Variants in HOMER2 observed in about 807,000 individuals in gnomAD.
HOMER2 encodes the protein homer protein homolog 2.
A neutral mutation model predicts 47.0 loss-of-function variants in HOMER2; 27 were observed. That is an observed-to-expected ratio of 0.57 (90% CI 0.42 to 0.79). The LOEUF (loss-of-function observed/expected upper bound fraction) is 0.79. HOMER2 is among the 30% of genes least tolerant of loss of function. HOMER2 has a pLI of 0.00. For missense variants in HOMER2, 443 were observed against 435.0 expected, an observed-to-expected ratio of 1.02 and a Z score of -0.16; for synonymous variants, 161 against 163.8, an observed-to-expected ratio of 0.98 and a Z score of 0.13.
Position 82,907,336 on chromosome 15 carries a change from G to A in HOMER2, c.6-14495C>T, listed in dbSNP as rs540304174. 9.7e-4 allele frequency among the ~76,000 whole-genome samples: 147 copies of A among 151,558 alleles called. 5 individuals are homozygous for A. In the South Asian group the frequency reaches 0.027, roughly 27 times the overall value. ...TGTGCCACTGCACTCCAGCCTGGGCGACAGAGCCAGACCCTATCAGAAAGA... is the reference window on the plus strand; with the variant it reads ...TGTGCCACTGCACTCCAGCCTGGGCAACAGAGCCAGACCCTATCAGAAAGA... On this transcript the variant is annotated intron_variant, in intron 1 of 8. Coordinates refer to ENST00000450735, the MANE Select transcript of HOMER2 (RefSeq NM_004839.4).
chr15:82,894,052 T>C (rs964914614), intron 1 of HOMER2, among the ~76,000 whole-genome samples: 2 of 102,788 alleles, frequency 1.9e-5, no homozygotes, highest in African/African-American at 8.9e-5. Context: ...CTTATAAACC[T>C]TTTGAGTTTT....
intron 1 of HOMER2, among the ~76,000 whole-genome samples, chr15:82,945,830 T>C (rs1362547539): frequency 6.6e-6 from 1 of 151,036 alleles, no homozygotes; most frequent in African/African-American, 2.4e-5. Context: ...ATTAGCCGGG[T>C]GTGGTGGCAG....
chr15:82,945,834 G>C (rs2054366068), intron 1 of HOMER2, among the ~76,000 whole-genome samples: 1 of 152,060 alleles, frequency 6.6e-6, no homozygotes, highest in African/African-American at 2.4e-5. Flanking sequence ...GCCGGGTGTG[G>C]TGGCAGGCGC....
intron 4 of HOMER2, among the ~76,000 whole-genome samples, chr15:82,860,004 T>A (rs1447899009): frequency 6.6e-6 from 1 of 151,942 alleles, no homozygotes; most frequent in Non-Finnish European, 1.5e-5. Context: ...TCCCAGCACT[T>A]TGGGAGGCTG....
At chr15:82,850,766 G>A (rs3784378) in intron 8 of HOMER2, among the ~76,000 whole-genome samples, 2 of 152,332 alleles carry the variant, frequency 1.3e-5, no homozygotes, top group East Asian at 3.9e-4. Context: ...AGGATAGGGA[G>A]GAAGGCCTGC....
At chr15:82,968,659 A>C (rs763614280) in intron 1 of HOMER2, among the ~76,000 whole-genome samples, 3 of 152,228 alleles carry the variant, frequency 2.0e-5, no homozygotes, top group Non-Finnish European at 2.9e-5. Context: ...CAGAACAAAA[A>C]GAGCTTTCCT....
chr15:82,910,295 G>GT (rs1304009460), intron 1 of HOMER2, among the ~76,000 whole-genome samples: 1 of 152,160 alleles, frequency 6.6e-6, no homozygotes, highest in African/African-American at 2.4e-5. Flanking sequence ...TCGTGGGTTG[G>GT]TAAGAATTTA....
At chr15:82,959,499 G>A (rs1484524344) in intron 1 of HOMER2, among the ~76,000 whole-genome samples, 2 of 152,228 alleles carry the variant, frequency 1.3e-5, no homozygotes, top group Non-Finnish European at 2.9e-5. Flanking sequence ...GGGCCGGTCT[G>A]GAGAGTGGGC....
At chr15:82,906,439 T>C (rs971126306) in intron 1 of HOMER2, among the ~76,000 whole-genome samples, 1 of 152,040 alleles carries the variant, frequency 6.6e-6, no homozygotes, top group Non-Finnish European at 1.5e-5. Flanking sequence ...TCCACTTTTT[T>C]TTTTTTTTTT....
chr15:82,863,298 A>C (rs950318623), intron 4 of HOMER2, among the ~76,000 whole-genome samples: 2 of 152,112 alleles, frequency 1.3e-5, no homozygotes, highest in South Asian at 4.2e-4. Context: ...AAGCAAGCCA[A>C]CCCTCTCAGG....
chr15:82,907,617 C>T (rs946733988), intron 1 of HOMER2, among the ~76,000 whole-genome samples: 3 of 152,128 alleles, frequency 2.0e-5, no homozygotes, highest in Non-Finnish European at 2.9e-5. Flanking sequence ...AACATCACGA[C>T]ATCAACCAAT....
intron 8 of HOMER2, 55 bp downstream of exon 8, chr15:82,851,096 T>G: frequency 8.9e-5 from 99 of 1,107,284 alleles, no homozygotes; most frequent in Non-Finnish European, 1.2e-4. Context: ...ATGAGTACCA[T>G]GACATTTGTG....
At chr15:82,926,060 A>C (rs2053845476) in intron 1 of HOMER2, 1 of 152,176 alleles carries the variant, frequency 6.6e-6, no homozygotes, top group Non-Finnish European at 1.5e-5. Context: ...ATAACCTTTC[A>C]TTACCAGTAA....
At chr15:82,880,916 T>A (rs890712518) in intron 2 of HOMER2, among the ~76,000 whole-genome samples, 1 of 152,150 alleles carries the variant, frequency 6.6e-6, no homozygotes, top group Admixed American at 6.5e-5. Flanking sequence ...AATTCAGCCC[T>A]GGGAGCCAAG....
chr15:82,947,850 G>A (rs1596378536), intron 1 of HOMER2, among the ~76,000 whole-genome samples: 1 of 152,206 alleles, frequency 6.6e-6, no homozygotes, highest in African/African-American at 2.4e-5. Context: ...GCTAGGTGTT[G>A]GAATACACTG....
chr15:82,841,642 G>C (rs1438377303), exon 2 of HOMER2: 2 of 152,054 alleles, frequency 1.3e-5, no homozygotes, highest in African/African-American at 4.8e-5. Context: ...AGTGAAATAA[G>C]ATTACAAATA....
chr15:82,929,653 CAAAAA>C (rs373315567), intron 1 of HOMER2, among the ~76,000 whole-genome samples: 1 of 91,004 alleles, frequency 1.1e-5, no homozygotes, highest in Non-Finnish European at 2.2e-5. Context: ...GTGAGACTAT[CAAAAA>C]AAAAAAAAAA....
intron 1 of HOMER2, among the ~76,000 whole-genome samples, chr15:82,924,585 A>T (rs1041164246): frequency 7.2e-5 from 11 of 152,158 alleles, no homozygotes; most frequent in Admixed American, 2.0e-4. Flanking sequence ...CTCCTAAGAG[A>T]TCTGTTTTCT....
chr15:82,882,082 A>T (rs1181429982), intron 2 of HOMER2, among the ~76,000 whole-genome samples: 2 of 151,964 alleles, frequency 1.3e-5, no homozygotes, highest in Non-Finnish European at 2.9e-5. Flanking sequence ...CTGCCTAAAA[A>T]CTCACCATAA....
Sources: gnomAD v4.1 joint callset for allele counts (sites outside exome capture counted in the v4.1 genomes callset) on GRCh38, gnomAD v4.1.1 for gene constraint, MANE v1.5 for transcripts, NCBI Gene and HGNC (gene_info 2026-07-23, HGNC 2026-07-21) for gene names.